The following MARK3 variants were observed in gnomAD, a reference collection of about 807,000 sequenced individuals.
MARK3 encodes MAP/microtubule affinity-regulating kinase 3.
In MARK3, 46 loss-of-function variants were observed where a neutral mutation model predicts 90.1. The observed-to-expected ratio is 0.51, with a 90% CI of 0.40 to 0.65. The LOEUF is 0.65. MARK3 is among the 30% of genes least tolerant of loss of function. The probability of loss-of-function intolerance (pLI) is 0.00; values close to 1 mark genes in which losing one functional copy is unlikely to be tolerated. For synonymous variants in MARK3, 321 were observed against 332.6 expected, an observed-to-expected ratio of 0.97 and a Z score of 0.38; for missense variants, 818 against 947.2, an observed-to-expected ratio of 0.86 and a Z score of 1.79.
intron 2 of MARK3, among the ~76,000 whole-genome samples, chr14:103,416,784 A>C (rs778118551): frequency 2.6e-5 from 4 of 152,050 alleles, no homozygotes; most frequent in Admixed American, 1.3e-4. Flanking sequence ...AAAAATAAAG[A>C]AAGAAAATAA....
At chr14:103,436,617 T>TAA (rs34862460) in intron 3 of MARK3, among the ~76,000 whole-genome samples, 42,892 of 151,812 alleles carry the variant, frequency 0.28, 7,196 homozygotes, top group Non-Finnish European at 0.36. Flanking sequence ...AGGCACTTCT[T>TAA]ATATTGATTG....
chr14:103,408,331 G>A (rs2091436705), intron 2 of MARK3, among the ~76,000 whole-genome samples: 1 of 152,066 alleles, frequency 6.6e-6, no homozygotes, highest in East Asian at 1.9e-4. Flanking sequence ...GGGATTACAG[G>A]CACACGCCAC....
intron 15 of MARK3, 75 bp downstream of exon 15, chr14:103,492,109 GC>G: frequency 6.6e-7 from 1 of 1,524,078 alleles, no homozygotes; most frequent in African/African-American, 1.4e-5. Context: ...GTTGTGTGAA[GC>G]CACTGCTACC....
chr14:103,498,133 C>T (rs1183025922), intron 15 of MARK3, among the ~76,000 whole-genome samples: 2 of 151,874 alleles, frequency 1.3e-5, no homozygotes, highest in African/African-American at 4.8e-5. Flanking sequence ...ACAAGAATTG[C>T]TTCAACCCGG....
chr14:103,397,378 G>A (rs2090647789), intron 1 of MARK3, among the ~76,000 whole-genome samples: 1 of 148,872 alleles, frequency 6.7e-6, no homozygotes, highest in African/African-American at 2.5e-5. Context: ...CCAGACTGGA[G>A]TGCAGTGGTG....
At chr14:103,406,033 G>A (rs1322720736) in intron 2 of MARK3, among the ~76,000 whole-genome samples, 1 of 152,030 alleles carries the variant, frequency 6.6e-6, no homozygotes, top group East Asian at 1.9e-4. Flanking sequence ...TGAGACTACA[G>A]GCATGCACTG....
At chr14:103,450,875 A>ATGTGTGTGT (rs1290999020) in intron 4 of MARK3, among the ~76,000 whole-genome samples, 1 of 114,828 alleles carries the variant, frequency 8.7e-6, no homozygotes, top group African/African-American at 3.3e-5. Context: ...TCATTTTTAA[A>ATGTGTGTGT]GTGTGTGTGT....
chr14:103,458,140 A>G (rs7146506), intron 6 of MARK3, among the ~76,000 whole-genome samples: 50,957 of 152,030 alleles, frequency 0.34, 8,865 homozygotes, highest in Middle Eastern at 0.45. Context: ...TGTCGCAACT[A>G]TTTAACTCTC....
At chr14:103,400,982 T>TGTGTGTGTGTGC (rs2090929008) in intron 1 of MARK3, among the ~76,000 whole-genome samples, 1 of 141,820 alleles carries the variant, frequency 7.1e-6, no homozygotes, top group African/African-American at 2.9e-5. Flanking sequence ...TGTGTGTGTG[T>TGTGTGTGTGTGC]ATGCAGGTTG....
chr14:103,455,321 C>G (rs1209194008), intron 5 of MARK3, among the ~76,000 whole-genome samples: 1 of 152,182 alleles, frequency 6.6e-6, no homozygotes, highest in Non-Finnish European at 1.5e-5. Context: ...GCAAATAGGT[C>G]ATTCGCATAG....
chr14:103,390,699 A>G (rs903402780), intron 1 of MARK3, among the ~76,000 whole-genome samples: 8 of 152,294 alleles, frequency 5.3e-5, no homozygotes, highest in African/African-American at 1.9e-4. Context: ...GGGTTGGACA[A>G]GCTTGCTGTA....
chr14:103,406,315 C>A (rs552013860), intron 2 of MARK3, among the ~76,000 whole-genome samples: 6 of 152,032 alleles, frequency 3.9e-5, no homozygotes, highest in Admixed American at 6.5e-5. Flanking sequence ...ACCTCCGCCT[C>A]CCAGGTTCAA....
At chr14:103,402,828 A>G (rs2091043275) in intron 1 of MARK3, among the ~76,000 whole-genome samples, 1 of 152,190 alleles carries the variant, frequency 6.6e-6, no homozygotes, top group South Asian at 2.1e-4. Flanking sequence ...ATTTTGAAAG[A>G]CAGGTCATTG....
chr14:103,408,492 A>G (rs2091446392), intron 2 of MARK3, among the ~76,000 whole-genome samples: 2 of 152,146 alleles, frequency 1.3e-5, no homozygotes, highest in Non-Finnish European at 2.9e-5. Flanking sequence ...CCTGGCCTGA[A>G]TGTAGTAATA....
At chr14:103,458,691 CT>C in intron 6 of MARK3, 1 of 665,144 alleles carries the variant, frequency 1.5e-6, no homozygotes, top group Non-Finnish European at 2.7e-6. Context: ...CTCATTTTTT[CT>C]TAGAACCTTT....
chr14:103,387,467 C>CTTAT (rs1274353117), intron 1 of MARK3, among the ~76,000 whole-genome samples: 7 of 136,600 alleles, frequency 5.1e-5, no homozygotes, highest in African/African-American at 9.8e-5. Context: ...TTAAAGAAAC[C>CTTAT]TTATTTATTT....
Position 103,394,114 on chromosome 14 carries a change from C to T in MARK3, c.51+8034C>T, listed in dbSNP as rs562153163. On this transcript the variant is annotated intron_variant, in intron 1 of 17. Transcript: ENST00000429436. Reference sequence around the variant, plus strand: ...GCTGGAACAAATTCCTAGTAAGAGTCAGGGAATATTCCGTGACTTGTGGCT... The same window carrying T: ...GCTGGAACAAATTCCTAGTAAGAGTTAGGGAATATTCCGTGACTTGTGGCT... 3.3e-5 allele frequency among the ~76,000 whole-genome samples: 5 copies of T among 152,112 alleles called. 1 individual carries two copies. Among genetic ancestry groups the T allele is most frequent in the Non-Finnish European group, 4.4e-5 (3 of 68,044 alleles).
intron 3 of MARK3, among the ~76,000 whole-genome samples, chr14:103,444,560 C>G (rs1299988607): frequency 6.6e-6 from 1 of 152,100 alleles, no homozygotes; most frequent in Non-Finnish European, 1.5e-5. Context: ...GGGCGGATCA[C>G]GAGGTCAGGA....
At chr14:103,397,166 C>T (rs2090631227) in intron 1 of MARK3, among the ~76,000 whole-genome samples, 2 of 152,064 alleles carry the variant, frequency 1.3e-5, no homozygotes, top group Non-Finnish European at 2.9e-5. Context: ...CTGATTTTCT[C>T]TTGGGGCAGG....
Sources: allele counts gnomAD v4.1 joint callset (sites outside exome capture counted in the v4.1 genomes callset), GRCh38; gene constraint gnomAD v4.1.1; transcripts MANE v1.5; gene names NCBI Gene and HGNC (gene_info 2026-07-23, HGNC 2026-07-21).